Variants in SEPTIN9 observed in about 807,000 individuals in gnomAD.
SEPTIN9 encodes the protein septin 9.
In SEPTIN9, 13 loss-of-function variants were observed where a neutral mutation model predicts 56.6. That is an observed-to-expected ratio of 0.23 (90% CI 0.15 to 0.37). The LOEUF is 0.37. Among genes scored for constraint, SEPTIN9 ranks in the 10% least tolerant of loss-of-function variants. The pLI, the probability that SEPTIN9 is intolerant of heterozygous loss-of-function variation, is 1.00. For synonymous variants in SEPTIN9, 332 were observed against 334.1 expected (o/e 0.99, Z 0.07); for missense variants, 650 against 823.1 (o/e 0.79, Z 2.57).
chr17:77,440,073 G>A (rs970340848), intron 3 of SEPTIN9, among the ~76,000 whole-genome samples: 2 of 152,154 alleles, frequency 1.3e-5, no homozygotes, highest in Admixed American at 6.5e-5. Flanking sequence ...AGATGACTTG[G>A]GGAGTCCTCC....
intron 3 of SEPTIN9, among the ~76,000 whole-genome samples, chr17:77,458,721 C>A (rs59367573): frequency 1.3e-5 from 2 of 152,016 alleles, no homozygotes; most frequent in African/African-American, 4.8e-5. Context: ...GAGTGGCGGG[C>A]GGGAAGTGGG....
intron 2 of SEPTIN9, among the ~76,000 whole-genome samples, chr17:77,309,412 C>T (rs763137934): frequency 3.9e-5 from 6 of 152,270 alleles, no homozygotes; most frequent in Non-Finnish European, 7.3e-5. Flanking sequence ...ACACCCTTTC[C>T]TCATCTTCTT....
At chr17:77,320,254 G>A (rs1031395873) in intron 2 of SEPTIN9, 32 of 1,611,540 alleles carry the variant, frequency 2.0e-5, no homozygotes, top group East Asian at 8.9e-5. Context: ...GGAGGGCGAC[G>A]GGGGTGAGAA....
chr17:77,376,151 G>A, intron 2 of SEPTIN9: 1 of 987,168 alleles, frequency 1.0e-6, no homozygotes, highest in Non-Finnish European at 1.2e-6. Flanking sequence ...AGAGCCTTCT[G>A]GCCAGCAGCA....
At chr17:77,430,593 C>T (rs967192105) in intron 3 of SEPTIN9, among the ~76,000 whole-genome samples, 2 of 152,200 alleles carry the variant, frequency 1.3e-5, no homozygotes, top group East Asian at 1.9e-4. Flanking sequence ...AGATCCTAGC[C>T]ACTTGGAGCT....
intron 4 of SEPTIN9, among the ~76,000 whole-genome samples, chr17:77,485,391 G>A (rs1436003985): frequency 6.8e-6 from 1 of 147,758 alleles, no homozygotes; most frequent in Non-Finnish European, 1.5e-5. Flanking sequence ...GTTGATGATG[G>A]TGCTGGTGCT....
At chr17:77,338,406 C>G (rs960994124) in intron 2 of SEPTIN9, among the ~76,000 whole-genome samples, 10 of 136,598 alleles carry the variant, frequency 7.3e-5, no homozygotes, top group Admixed American at 1.6e-4. Flanking sequence ...GCAGCAGTTT[C>G]TTTGTTTCTT....
intron 2 of SEPTIN9, among the ~76,000 whole-genome samples, chr17:77,314,914 C>T (rs894099820): frequency 1.3e-5 from 2 of 152,194 alleles, no homozygotes; most frequent in African/African-American, 2.4e-5. Context: ...GGGACAGAGG[C>T]GCTGGTGCCC....
chr17:77,395,176 A>G (rs1238582507), intron 2 of SEPTIN9, among the ~76,000 whole-genome samples: 1 of 151,886 alleles, frequency 6.6e-6, no homozygotes, highest in African/African-American at 2.4e-5. Flanking sequence ...AGGTTCCCAA[A>G]GTGCTGGGAT....
intron 2 of SEPTIN9, among the ~76,000 whole-genome samples, chr17:77,386,214 C>T (rs1461937033): frequency 1.3e-5 from 2 of 152,208 alleles, no homozygotes; most frequent in African/African-American, 4.8e-5. Flanking sequence ...CCCTGTGCCC[C>T]ACAGGCTCCC....
rs1459463532 is a variant in SEPTIN9 at position 77,488,707 on chromosome 17, C to T, written c.1125-20C>T. On this transcript the variant is annotated intron_variant, in intron 6 of 11. Coordinates refer to ENST00000427177, the MANE Select transcript of SEPTIN9 (RefSeq NM_001113491.2). ...AGGGCATCTCATGTGCCTGCTGACT[C>T]GTCCCCATCCCCCACGCAGCTGGCA... 2.5e-6 allele frequency: 4 copies of T among 1,613,214 alleles called. No individual in the cohort carries two copies. The highest frequency in any genetic ancestry group is 1.1e-5 in the South Asian group (1 of 91,084).
At chr17:77,345,747 G>T (rs1167491112) in intron 2 of SEPTIN9, among the ~76,000 whole-genome samples, 1 of 152,192 alleles carries the variant, frequency 6.6e-6, no homozygotes, top group Non-Finnish European at 1.5e-5. Context: ...CCTCAGCAAG[G>T]CCTGGCAGCT....
At chr17:77,305,392 C>T in intron 1 of SEPTIN9, among the ~76,000 whole-genome samples, 1 of 152,118 alleles carries the variant, frequency 6.6e-6, no homozygotes, top group Non-Finnish European at 1.5e-5. Context: ...GTACAGCTCA[C>T]AGCCTGCCGT....
At chr17:77,415,615 G>GA (rs1323217471) in intron 3 of SEPTIN9, among the ~76,000 whole-genome samples, 2 of 141,538 alleles carry the variant, frequency 1.4e-5, no homozygotes, top group East Asian at 4.1e-4. Flanking sequence ...GTGACAGAGT[G>GA]AGACTATGTC....
Position 77,495,555 on chromosome 17 carries a change from C to T in SEPTIN9, c.1574-1760C>T, listed in dbSNP as rs563064381. 1.2e-4 allele frequency among the ~76,000 whole-genome samples: 19 copies of T among 152,264 alleles called. No homozygotes were observed. The South Asian group carries it at 2.5e-3, about 20-fold the overall frequency. On this transcript the variant is annotated intron_variant, in intron 10 of 11. Coordinates refer to ENST00000427177, the MANE Select transcript of SEPTIN9 (RefSeq NM_001113491.2). ...CCTCATGTCCCTGAGAGGCGGGTGA[C>T]GTTATTATCCACATTTTATGGATGA...
chr17:77,400,045 C>T lies in SEPTIN9; in HGVS notation c.77-2014C>T, dbSNP rs1445147381. 5.9e-5 allele frequency among the ~76,000 whole-genome samples: 9 copies of T among 152,170 alleles called. No individual in the cohort carries two copies. In the East Asian group the frequency reaches 1.3e-3, roughly 23 times the overall value. ...GTCAGGCTGAGTGCAGTGACACGATCTCAGCTCTGCAACCTCTGCCTCCCG... is the reference window on the plus strand; with the variant it reads ...GTCAGGCTGAGTGCAGTGACACGATTTCAGCTCTGCAACCTCTGCCTCCCG... On this transcript the variant is annotated intron_variant, in intron 2 of 11. Transcript: ENST00000427177. The surrounding 1 kb of genome is among the most constrained non-coding windows in gnomAD (Gnocchi z 4.1).
Position 77,329,783 on chromosome 17 carries a change from T to A in SEPTIN9, c.76+22586T>A, listed in dbSNP as rs901048630. Among the ~76,000 whole-genome samples the A allele has an allele frequency of 2.0e-5, 3 of 152,166 alleles. No individual in the cohort carries two copies. Among genetic ancestry groups the A allele is most frequent in the African/African-American group, 7.2e-5 (3 of 41,438 alleles). On this transcript the variant is annotated intron_variant, in intron 2 of 11. Transcript: ENST00000427177. The surrounding 1 kb of genome is among the most constrained non-coding windows in gnomAD (Gnocchi z 4.3). ...TCTGACTCGGGGCAAGGTTCAGATA[T>A]CCAGAACATTCTTGGCTGGCTCTTG...
chr17:77,486,432 CGT>C (rs2039781629), intron 4 of SEPTIN9, among the ~76,000 whole-genome samples: 1 of 151,676 alleles, frequency 6.6e-6, no homozygotes, highest in Non-Finnish European at 1.5e-5. Context: ...GTGTTGCTAG[CGT>C]AGCCCAAGGC....
At position 77,370,602 on chromosome 17, in the gene SEPTIN9, G is replaced by A. The variant is rs140222787; in HGVS notation, c.77-31457G>A. Among the ~76,000 whole-genome samples, 29 of 152,316 alleles carry A rather than the reference G, an allele frequency of 1.9e-4. No homozygotes were observed. In the East Asian group the frequency reaches 5.0e-3, roughly 26 times the overall value. On this transcript the variant is annotated intron_variant, in intron 2 of 11. Coordinates refer to ENST00000427177, the MANE Select transcript of SEPTIN9 (RefSeq NM_001113491.2). ...GGTCCCTTTGGCCAGGCCTGCAGTC[G>A]GTCTTGCCTTCTTTTGTGACCGTGG...
Sources: allele counts gnomAD v4.1 joint callset (sites outside exome capture counted in the v4.1 genomes callset), GRCh38; gene constraint gnomAD v4.1.1; non-coding constraint Gnocchi (gnomAD v3.1); transcripts MANE v1.5; gene names NCBI Gene and HGNC (gene_info 2026-07-23, HGNC 2026-07-21).